Variants in MACROH2A1 observed in about 807,000 individuals in gnomAD.
The protein encoded by MACROH2A1 is core histone macro-H2A.1.
A neutral mutation model predicts 31.6 loss-of-function variants in MACROH2A1; 2 were observed. The observed-to-expected ratio is 0.06, with a 90% CI of 0.03 to 0.20. MACROH2A1 has a LOEUF of 0.20. Ranked by LOEUF, MACROH2A1 falls within the 10% of genes least tolerant of loss-of-function variation. MACROH2A1 has a pLI of 1.00. For synonymous variants in MACROH2A1, 169 were observed against 189.6 expected, an observed-to-expected ratio of 0.89 and a Z score of 0.89; for missense variants, 230 against 474.0, an observed-to-expected ratio of 0.49 and a Z score of 4.78.
intron 2 of MACROH2A1, among the ~76,000 whole-genome samples, chr5:135,370,408 G>C (rs1364518208): frequency 6.6e-6 from 1 of 152,240 alleles, no homozygotes; most frequent in Non-Finnish European, 1.5e-5. Flanking sequence ...CACTGAGTGA[G>C]TGAGTGGGAG....
At chr5:135,378,774 C>A (rs1200462377) in intron 2 of MACROH2A1, among the ~76,000 whole-genome samples, 2 of 152,176 alleles carry the variant, frequency 1.3e-5, no homozygotes, top group African/African-American at 4.8e-5. Context: ...GCCTAGCACA[C>A]AGTAACTGTT....
chr5:135,364,194 A>C (rs371759046), intron 4 of MACROH2A1, among the ~76,000 whole-genome samples: 69 of 152,312 alleles, frequency 4.5e-4, no homozygotes, highest in African/African-American at 1.6e-3. Context: ...GAATAATGAG[A>C]ACACTTAGAC....
chr5:135,375,634 A>T (rs566622873), intron 2 of MACROH2A1, among the ~76,000 whole-genome samples: 66 of 152,324 alleles, frequency 4.3e-4, no homozygotes, highest in African/African-American at 1.5e-3. Flanking sequence ...TGCAATAGGA[A>T]AGAGTCAGGG....
Position 135,337,735 on chromosome 5 carries a change from G to T in MACROH2A1, c.954-2594C>A, listed in dbSNP as rs75739073. ...ACCCAGATGTTGAGGATCTGCAAGT[G>T]GGGGAGAGAGGTCAGTATCAAATGT... On this transcript the variant is annotated intron_variant, in intron 8 of 8. Coordinates refer to ENST00000511689, the MANE Select transcript of MACROH2A1 (RefSeq NM_138610.3). 2.9e-3 allele frequency among the ~76,000 whole-genome samples: 439 copies of T among 152,298 alleles called. 11 individuals are homozygous for T. In the East Asian group the frequency reaches 0.052, roughly 18 times the overall value.
chr5:135,345,774 G>T, intron 7 of MACROH2A1, 194 bp downstream of exon 7: 2 of 546,634 alleles, frequency 3.7e-6, no homozygotes, highest in Non-Finnish European at 6.5e-6. Flanking sequence ...AAAAAAAAAT[G>T]CAAAGGTGAT....
intron 2 of MACROH2A1, among the ~76,000 whole-genome samples, chr5:135,386,439 G>A (rs750456417): frequency 2.6e-5 from 4 of 152,244 alleles, no homozygotes; most frequent in Non-Finnish European, 5.9e-5. Context: ...TAGCCCTGCT[G>A]TAAGGTCTTC....
chr5:135,394,232 C>A (rs1027821138), intron 1 of MACROH2A1, among the ~76,000 whole-genome samples: 3 of 152,174 alleles, frequency 2.0e-5, no homozygotes, highest in African/African-American at 7.2e-5. Context: ...TTCAGCACAC[C>A]CAGCATGCTC....
intron 2 of MACROH2A1, 122 bp from the exon 3 acceptor site, chr5:135,370,264 G>A (rs907897278): frequency 6.2e-5 from 38 of 613,484 alleles, no homozygotes; most frequent in Non-Finnish European, 8.9e-5. Flanking sequence ...GCTACCCTGA[G>A]GTGAAAAGCT....
intron 4 of MACROH2A1, among the ~76,000 whole-genome samples, chr5:135,364,705 C>T (rs569722382): frequency 6.6e-6 from 1 of 152,256 alleles, no homozygotes; most frequent in Non-Finnish European, 1.5e-5. Context: ...AAATCATCAC[C>T]CCATGTTTAC....
At chr5:135,337,358 T>C (rs1005770250) in intron 8 of MACROH2A1, among the ~76,000 whole-genome samples, 1 of 126,554 alleles carries the variant, frequency 7.9e-6, no homozygotes, top group African/African-American at 4.3e-5. Context: ...CAGTGTAGCC[T>C]GGCCCATGCC....
At chr5:135,388,796 C>A in intron 2 of MACROH2A1, 126 bp downstream of exon 2, 2 of 748,910 alleles carry the variant, frequency 2.7e-6, no homozygotes, top group Non-Finnish European at 2.1e-6. Flanking sequence ...TCCTTGTACT[C>A]TTCTTGTAAC....
chr5:135,376,273 G>C (rs1405578953), intron 2 of MACROH2A1, among the ~76,000 whole-genome samples: 1 of 152,170 alleles, frequency 6.6e-6, no homozygotes, highest in Non-Finnish European at 1.5e-5. Flanking sequence ...AGGGGTCTCA[G>C]AGACAGCATT....
At chr5:135,397,258 C>A (rs867255564) in intron 1 of MACROH2A1, among the ~76,000 whole-genome samples, 1 of 152,076 alleles carries the variant, frequency 6.6e-6, no homozygotes, top group Non-Finnish European at 1.5e-5. Context: ...GAATGCGAGG[C>A]GCTCCTCAAG....
chr5:135,360,821 C>A (rs763301679), intron 4 of MACROH2A1: 7 of 673,778 alleles, frequency 1.0e-5, no homozygotes, highest in South Asian at 7.8e-5. Flanking sequence ...ACTTTATGAT[C>A]GTAAAAAAAA....
chr5:135,387,943 A>C (rs1156944833), intron 2 of MACROH2A1, among the ~76,000 whole-genome samples: 1 of 152,052 alleles, frequency 6.6e-6, no homozygotes, highest in Admixed American at 6.6e-5. Context: ...GGATATCAGA[A>C]CCAGCTTGAA....
At position 135,399,081 on chromosome 5, in the gene MACROH2A1, G is replaced by T; in HGVS notation, c.-53C>A. On this transcript the variant is annotated 5_prime_UTR_variant, in exon 1 of 9. Transcript: ENST00000511689. This position sits in a 1 kb window ranked among gnomAD's most constrained non-coding sequence, Gnocchi z 4.5. ...ACTTACGCGGCGGCTCGGTGGCGGC[G>T]GCGGCAGCTGCAAGGTGTCTCGGCC... is the stretch of plus-strand genomic sequence containing the variant. The T allele has an allele frequency of 6.6e-6, 1 of 151,858 alleles. No homozygotes were observed. The highest frequency in any genetic ancestry group is 1.8e-4 in the South Asian group (1 of 5,580). 9.4% of individuals were successfully genotyped at this position (151,858 alleles called of 1,614,324 possible). A position where few individuals can be genotyped will look rare whatever the true frequency, so the allele number is the denominator to read the frequency against.
At chr5:135,341,078 A>G (rs1005215620) in intron 8 of MACROH2A1, among the ~76,000 whole-genome samples, 1 of 152,254 alleles carries the variant, frequency 6.6e-6, no homozygotes, top group Non-Finnish European at 1.5e-5. Context: ...AGGTTGTGAA[A>G]TTATTACCTC....
upstream of MACROH2A1, chr5:135,399,771 G>T (rs1768584504): frequency 6.6e-6 from 1 of 152,264 alleles, no homozygotes; most frequent in Admixed American, 6.5e-5. This position sits in a 1 kb window ranked among gnomAD's most constrained non-coding sequence, Gnocchi z 4.5. Flanking sequence ...GGGTCCTTCA[G>T]TTAATCCTCC....
intron 2 of MACROH2A1, among the ~76,000 whole-genome samples, chr5:135,388,677 A>C (rs1270398548): frequency 6.6e-6 from 1 of 152,116 alleles, no homozygotes; most frequent in Non-Finnish European, 1.5e-5. Flanking sequence ...TAACAGCCAA[A>C]AATAAATACA....
Sources: gnomAD v4.1 joint callset for allele counts (sites outside exome capture counted in the v4.1 genomes callset) on GRCh38, gnomAD v4.1.1 for gene constraint, Gnocchi (gnomAD v3.1) non-coding constraint, MANE v1.5 for transcripts, NCBI Gene and HGNC (gene_info 2026-07-23, HGNC 2026-07-21) for gene names.